Variants in RBBP8 observed in about 807,000 individuals in gnomAD.
RBBP8 encodes RB binding protein 8, endonuclease.
In RBBP8, 88 loss-of-function variants were observed where a neutral mutation model predicts 108.3. The ratio of observed to expected loss-of-function variants is 0.81; its 90% CI spans 0.68 to 0.97. RBBP8 has a LOEUF of 0.97. RBBP8 is among the 50% of genes least tolerant of loss of function. The probability of loss-of-function intolerance (pLI) is 0.00; values close to 1 mark genes in which losing one functional copy is unlikely to be tolerated. For missense variants in RBBP8, 1,023 were observed against 1,049.0 expected (o/e 0.98, Z 0.34); for synonymous variants, 332 against 348.2 (o/e 0.95, Z 0.52).
At chr18:22,974,751 C>T (rs887867162) in intron 5 of RBBP8, among the ~76,000 whole-genome samples, 1 of 152,104 alleles carries the variant, frequency 6.6e-6, no homozygotes, top group Non-Finnish European at 1.5e-5. Flanking sequence ...AGCCACTGCG[C>T]CTGGCCTATT....
chr18:22,969,237 C>T (rs1913885424), intron 5 of RBBP8, among the ~76,000 whole-genome samples: 1 of 151,562 alleles, frequency 6.6e-6, no homozygotes. Context: ...TTCATGTAAC[C>T]TTAATACTTA....
intron 17 of RBBP8, among the ~76,000 whole-genome samples, chr18:23,021,699 C>G (rs1357104761): frequency 6.6e-6 from 1 of 152,012 alleles, no homozygotes; most frequent in African/African-American, 2.4e-5. Context: ...ACGTTATATT[C>G]AAATAATAAT....
intron 7 of RBBP8, 46 bp from the exon 8 acceptor site, chr18:22,984,840 A>G (rs1598705999): frequency 5.1e-6 from 1 of 195,910 alleles, no homozygotes; most frequent in Non-Finnish European, 1.0e-5. Context: ...AATGCTTTTC[A>G]TCATCATTGT....
chr18:22,935,909 G>C (rs147762616), intron 1 of RBBP8, among the ~76,000 whole-genome samples: 71 of 152,208 alleles, frequency 4.7e-4, no homozygotes, highest in African/African-American at 1.6e-3. Flanking sequence ...GATCTTTGCT[G>C]TGTTTAAATC....
At chr18:23,016,960 T>G in intron 17 of RBBP8, 36 bp downstream of exon 17, 1 of 1,382,346 alleles carries the variant, frequency 7.2e-7, no homozygotes. Context: ...TTTTTTTAAG[T>G]ACGGCTTTAT....
chr18:23,024,074 G>A (rs564980256), intron 18 of RBBP8, among the ~76,000 whole-genome samples: 44 of 138,032 alleles, frequency 3.2e-4, no homozygotes, highest in Non-Finnish European at 5.6e-4. Context: ...TAGTAGAGAC[G>A]GGGTTTCACC....
intron 10 of RBBP8, 87 bp from the exon 11 acceptor site, chr18:22,992,661 A>C: frequency 2.6e-6 from 3 of 1,155,314 alleles, no homozygotes; most frequent in Non-Finnish European, 3.7e-6. Flanking sequence ...CCTTGTCTTA[A>C]ATTTTGGTTA....
chr18:22,961,544 T>G (rs1030219226), intron 4 of RBBP8, among the ~76,000 whole-genome samples: 22 of 152,128 alleles, frequency 1.4e-4, no homozygotes, highest in African/African-American at 5.3e-4. Flanking sequence ...AAGATGAGAG[T>G]GCCTTATTCT....
At chr18:23,000,247 A>T (rs1227001747) in intron 14 of RBBP8, among the ~76,000 whole-genome samples, 1 of 152,164 alleles carries the variant, frequency 6.6e-6, no homozygotes, top group Non-Finnish European at 1.5e-5. Context: ...CTTTTCTGTC[A>T]TATTTGTTAG....
rs2144685158 is a variant in RBBP8, at chr18:22,989,221, A to G, written c.710A>G (p.Lys237Arg). 4 of 1,595,914 alleles carry G rather than the reference A, an allele frequency of 2.5e-6. No homozygotes were observed. ...AAAATGGTTTATTATTTATTCTTAG[A>G]AGCACATGGAACAAGCAGCTATACC... ...TYDQSQSPMA[K>R]AHGTSSYTPD... The change falls in exon 9 of 19, where the codon AAA becomes AGA. Residue 237 changes from lysine (K) to arginine (R), a missense_variant and splice_region_variant. Lys to Arg is a conservative substitution (Grantham distance 26). Coordinates refer to ENST00000327155, the MANE Select transcript of RBBP8 (RefSeq NM_002894.3).
intron 15 of RBBP8, among the ~76,000 whole-genome samples, chr18:23,002,721 C>T (rs1303024713): frequency 6.6e-6 from 1 of 152,020 alleles, no homozygotes; most frequent in Non-Finnish European, 1.5e-5. Context: ...TTTAAATGAA[C>T]ATACCTTCTA....
At chr18:22,946,248 C>T in intron 2 of RBBP8, 196 bp from the exon 3 acceptor site, 1 of 573,714 alleles carries the variant, frequency 1.7e-6, no homozygotes, top group East Asian at 3.1e-5. Flanking sequence ...TTCCATTTGA[C>T]TGTCATATGA....
intron 4 of RBBP8, chr18:22,949,955 A>C: frequency 2.4e-6 from 1 of 415,020 alleles, no homozygotes. Context: ...GTGGAAGCTC[A>C]AGGGTAGCAA....
intron 4 of RBBP8, among the ~76,000 whole-genome samples, chr18:22,959,075 G>C (rs1380489071): frequency 6.6e-6 from 1 of 152,156 alleles, no homozygotes; most frequent in East Asian, 1.9e-4. Context: ...CAGTGAATGT[G>C]ATCGATAAAT....
intron 16 of RBBP8, among the ~76,000 whole-genome samples, chr18:23,010,885 G>T (rs1057182831): frequency 6.6e-6 from 1 of 152,172 alleles, no homozygotes; most frequent in African/African-American, 2.4e-5. Context: ...TACAGATGCT[G>T]TTCTGCTAGG....
intron 3 of RBBP8, among the ~76,000 whole-genome samples, chr18:22,925,018 A>G (rs2144345907): frequency 6.6e-6 from 1 of 152,074 alleles, no homozygotes; most frequent in Middle Eastern, 3.4e-3. Flanking sequence ...CAAGTAGCTG[A>G]GGCTACACAC....
upstream of RBBP8, chr18:22,929,473 T>A: frequency 2.5e-4 from 1 of 4,062 alleles, no homozygotes; most frequent in Non-Finnish European, 4.8e-4. Flanking sequence ...CAGGTGTGTG[T>A]GTGTGTGTGT....
chr18:22,915,166 G>A (rs2093245839), intron 1 of RBBP8, among the ~76,000 whole-genome samples: 1 of 151,982 alleles, frequency 6.6e-6, no homozygotes, highest in South Asian at 2.1e-4. Context: ...TTTTATCTGG[G>A]AATTTAAAAT....
chr18:22,931,290 CA>C (rs967167226), upstream of RBBP8, among the ~76,000 whole-genome samples: 7 of 151,920 alleles, frequency 4.6e-5, 1 homozygote, highest in African/African-American at 1.7e-4. Context: ...TAGGAGACAT[CA>C]AAAGTCTAGT....
Sources: allele counts gnomAD v4.1 joint callset (sites outside exome capture counted in the v4.1 genomes callset), GRCh38; gene constraint gnomAD v4.1.1; transcripts MANE v1.5; gene names NCBI Gene and HGNC (gene_info 2026-07-23, HGNC 2026-07-21).